Variants in GALNTL6 observed in about 807,000 individuals in gnomAD.
GALNTL6 encodes the protein polypeptide N-acetylgalactosaminyltransferase like 6.
A neutral mutation model predicts 73.7 loss-of-function variants in GALNTL6; 46 were observed. The ratio of observed to expected loss-of-function variants is 0.62; its 90% CI spans 0.49 to 0.80. The LOEUF (loss-of-function observed/expected upper bound fraction) is 0.80. Ranked by LOEUF, GALNTL6 falls within the 30% of genes least tolerant of loss-of-function variation. GALNTL6 has a pLI of 0.00. For synonymous variants in GALNTL6, 259 were observed against 263.7 expected (o/e 0.98, Z 0.17); for missense variants, 604 against 755.0 (o/e 0.80, Z 2.34).
intron 2 of GALNTL6, among the ~76,000 whole-genome samples, chr4:172,066,505 AC>A (rs58230176): frequency 0.43 from 64,106 of 149,284 alleles, 14,852 homozygotes; most frequent in East Asian, 0.76. Context: ...TTATATCTTT[AC>A]TGAATCTTGT....
rs143619562 is a variant in GALNTL6 at position 171,885,687 on chromosome 4, T to C, written c.138+70969T>C. 6.8e-3 allele frequency among the ~76,000 whole-genome samples: 1,041 copies of C among 152,076 alleles called. 9 individuals carry two copies. Among genetic ancestry groups the C allele is most frequent in the African/African-American group, 0.022 (906 of 41,490 alleles). ...CTAGCACAGTGGCACACACCTGTGT[T>C]CCCAGCTACTGTGGGGCTGAGGTGG... On this transcript the variant is annotated intron_variant, in intron 2 of 12. Transcript: ENST00000506823.
intron 5 of GALNTL6, among the ~76,000 whole-genome samples, chr4:172,358,300 A>G (rs552676299): frequency 2.4e-4 from 37 of 152,334 alleles, no homozygotes; most frequent in Admixed American, 1.8e-3. Flanking sequence ...AAAAGGTATC[A>G]CCAAACTAGA....
chr4:172,650,102 G>A (rs1740408835), intron 5 of GALNTL6, among the ~76,000 whole-genome samples: 1 of 152,130 alleles, frequency 6.6e-6, no homozygotes, highest in African/African-American at 2.4e-5. Context: ...CGATTTTCAT[G>A]GTATAGAAAG....
At chr4:173,024,710 A>G (rs960693012) in intron 12 of GALNTL6, among the ~76,000 whole-genome samples, 3 of 152,176 alleles carry the variant, frequency 2.0e-5, no homozygotes, top group Admixed American at 1.3e-4. Flanking sequence ...CCTCCCAAGT[A>G]GCCAGGACCA....
At position 173,040,212 on chromosome 4, in the gene GALNTL6, T is replaced by A; in HGVS notation, c.*112T>A. On this transcript the variant is annotated 3_prime_UTR_variant, in exon 13 of 13. Transcript: ENST00000506823. ...TTTCCTCGATCCAGGAAGGCTGGTT[T>A]AAAAATTTGCAAATGCCATGTCAAA... 1.3e-6 allele frequency: 1 copy of A among 782,702 alleles called. No individual in the cohort carries two copies. Among genetic ancestry groups the A allele is most frequent in the Non-Finnish European group, 2.0e-6 (1 of 512,572 alleles). 48.5% of individuals were successfully genotyped at this position (782,702 alleles called of 1,614,324 possible). A position where few individuals can be genotyped will look rare whatever the true frequency, so the allele number is the denominator to read the frequency against.
In GALNTL6 at chr4:172,341,450, CAAAAAA is replaced by C. The variant is rs4048503; in HGVS notation, c.387-7051_387-7046del. Among the ~76,000 whole-genome samples, 471 of 117,980 alleles carry C rather than the reference CAAAAAA, an allele frequency of 4.0e-3. 3 individuals are homozygous for C. The highest frequency in any genetic ancestry group is 0.016 in the South Asian group (61 of 3,814). 77.4% of individuals were successfully genotyped at this position (117,980 alleles called of 152,430 possible). ...TGGGCGACAGAGCGAGACTCCGTCT[CAAAAAA>C]AAAAAAAAAAAAAAAAAAAAATGTA... On this transcript the variant is annotated intron_variant, in intron 4 of 12. Transcript: ENST00000506823.
intron 5 of GALNTL6, among the ~76,000 whole-genome samples, chr4:172,567,443 A>G (rs1736597613): frequency 6.6e-6 from 1 of 152,334 alleles, no homozygotes; most frequent in African/African-American, 2.4e-5. Flanking sequence ...AGAAAAAAAA[A>G]TCATACATAA....
At chr4:172,030,627 T>G (rs998510407) in intron 2 of GALNTL6, among the ~76,000 whole-genome samples, 4 of 151,972 alleles carry the variant, frequency 2.6e-5, no homozygotes, top group African/African-American at 9.7e-5. Context: ...GGAGAATCAC[T>G]TGATCCCAAG....
At chr4:172,998,481 T>C (rs1751894427) in intron 10 of GALNTL6, among the ~76,000 whole-genome samples, 1 of 152,232 alleles carries the variant, frequency 6.6e-6, no homozygotes, top group Non-Finnish European at 1.5e-5. Flanking sequence ...TTCTCCTGTA[T>C]ATATCATTCC....
intron 2 of GALNTL6, among the ~76,000 whole-genome samples, chr4:171,927,652 C>T (rs1350134305): frequency 6.6e-6 from 1 of 151,962 alleles, no homozygotes; most frequent in Non-Finnish European, 1.5e-5. Flanking sequence ...TTCTCTTGTT[C>T]TGCTCCAGCC....
chr4:171,981,747 CT>C (rs1157375366), intron 2 of GALNTL6, among the ~76,000 whole-genome samples: 21 of 151,948 alleles, frequency 1.4e-4, no homozygotes, highest in Non-Finnish European at 2.5e-4. Flanking sequence ...TTTCAGTATA[CT>C]TTTTTTCTGT....
chr4:172,711,772 C>T (rs976178751), intron 5 of GALNTL6, among the ~76,000 whole-genome samples: 2 of 152,148 alleles, frequency 1.3e-5, no homozygotes, highest in Admixed American at 1.3e-4. Context: ...GAGCTAGAGA[C>T]AGGCACAAAG....
chr4:172,460,606 A>G lies in GALNTL6; in HGVS notation c.553+111917A>G, dbSNP rs544846087. Among the ~76,000 whole-genome samples the G allele has an allele frequency of 9.1e-4, 138 of 152,362 alleles. 1 individual carries two copies. Among genetic ancestry groups the G allele is most frequent in the Middle Eastern group, 3.4e-3 (1 of 294 alleles). On this transcript the variant is annotated intron_variant, in intron 5 of 12. Transcript: ENST00000506823. ...GAAGACATTTATGCAGCCAACAAAC[A>G]TATGACAAAAAGCTTATCATCACTG...
intron 9 of GALNTL6, among the ~76,000 whole-genome samples, chr4:172,943,269 CT>C (rs1749002425): frequency 6.6e-6 from 1 of 152,210 alleles, no homozygotes; most frequent in Admixed American, 6.5e-5. Context: ...CTACTCAGCA[CT>C]CATAGCAAGC....
In GALNTL6 at chr4:172,651,119, T is replaced by C. The variant is rs184292772; in HGVS notation, c.554-158242T>C. On this transcript the variant is annotated intron_variant, in intron 5 of 12. Transcript: ENST00000506823. The stretch of plus-strand genomic sequence containing the variant: ...AAATGTTGTACACCACACTGTCTTA[T>C]TAGTCCATGTGTATTGTCCATCCAC... 2.0e-5 allele frequency among the ~76,000 whole-genome samples: 3 copies of C among 152,330 alleles called. No individual in the cohort carries two copies. In the East Asian group the frequency reaches 5.8e-4, roughly 29 times the overall value.
chr4:171,854,535 AAAGT>A (rs1425702643), intron 2 of GALNTL6, among the ~76,000 whole-genome samples: 1 of 152,214 alleles, frequency 6.6e-6, no homozygotes, highest in Non-Finnish European at 1.5e-5. Flanking sequence ...GTTGCTATAG[AAAGT>A]AAGTGAGAGG....
intron 5 of GALNTL6, among the ~76,000 whole-genome samples, chr4:172,732,921 G>T (rs1209463176): frequency 6.6e-6 from 1 of 152,088 alleles, no homozygotes; most frequent in Non-Finnish European, 1.5e-5. Flanking sequence ...TCTCTTAACA[G>T]GTTGCCATGC....
At chr4:172,233,831 A>C (rs1184421385) in intron 3 of GALNTL6, among the ~76,000 whole-genome samples, 1 of 152,060 alleles carries the variant, frequency 6.6e-6, no homozygotes, top group African/African-American at 2.4e-5. Context: ...GGAATTTTTG[A>C]ATTGTATTTA....
At chr4:172,382,934 A>G (rs757171261) in intron 5 of GALNTL6, among the ~76,000 whole-genome samples, 4 of 152,082 alleles carry the variant, frequency 2.6e-5, no homozygotes, top group Non-Finnish European at 5.9e-5. Flanking sequence ...TGGAATTCAA[A>G]TCTAAAATCA....
Sources: gnomAD v4.1 joint callset for allele counts (sites outside exome capture counted in the v4.1 genomes callset) on GRCh38, gnomAD v4.1.1 for gene constraint, MANE v1.5 for transcripts, NCBI Gene and HGNC (gene_info 2026-07-23, HGNC 2026-07-21) for gene names.